BMPER: variants seen among roughly 807,000 people sequenced by gnomAD.
The protein encoded by BMPER is BMP binding endothelial regulator, also known as BMP-binding endothelial regulator protein.
BMPER carries 45 observed loss-of-function variants against 87.3 expected under a neutral mutation model. The ratio of observed to expected loss-of-function variants is 0.52; its 90% CI spans 0.41 to 0.66. BMPER has a LOEUF of 0.66. BMPER is among the 30% of genes least tolerant of loss of function. The pLI, the probability that BMPER is intolerant of heterozygous loss-of-function variation, is 0.00. For synonymous variants in BMPER, 326 were observed against 316.2 expected (o/e 1.03, Z -0.33); for missense variants, 784 against 867.5 (o/e 0.90, Z 1.21).
At chr7:34,130,762 G>T (rs746839323) in intron 13 of BMPER, among the ~76,000 whole-genome samples, 52 of 152,120 alleles carry the variant, frequency 3.4e-4, no homozygotes, top group Non-Finnish European at 5.9e-5. Flanking sequence ...ATCTAGACTG[G>T]GGATCTCAGA....
intron 7 of BMPER, among the ~76,000 whole-genome samples, chr7:34,050,918 C>T (rs1034953414): frequency 6.6e-6 from 1 of 152,148 alleles, no homozygotes; most frequent in African/African-American, 2.4e-5. Flanking sequence ...TTTGAGTTAG[C>T]TTCACCCTTT....
chr7:34,027,302 A>G (rs1787383717), intron 6 of BMPER, among the ~76,000 whole-genome samples: 1 of 152,132 alleles, frequency 6.6e-6, no homozygotes, highest in African/African-American at 2.4e-5. Flanking sequence ...ATGGTGAGTA[A>G]AAGTGCTGGA....
intron 14 of BMPER, among the ~76,000 whole-genome samples, chr7:34,144,006 A>T (rs956348195): frequency 1.3e-5 from 2 of 152,200 alleles, no homozygotes; most frequent in Admixed American, 6.5e-5. Context: ...ACAGACAAAA[A>T]CATAACTCTA....
chr7:33,979,363 G>A (rs972417123), intron 6 of BMPER, among the ~76,000 whole-genome samples: 18 of 151,166 alleles, frequency 1.2e-4, no homozygotes, highest in African/African-American at 4.4e-4. Context: ...AACTCCCTGA[G>A]AACCTGATTC....
chr7:33,969,212 C>G (rs914920820), intron 4 of BMPER, among the ~76,000 whole-genome samples: 2 of 152,016 alleles, frequency 1.3e-5, no homozygotes, highest in African/African-American at 2.4e-5. Flanking sequence ...CCTGTGCCAC[C>G]CATCCCATCA....
At chr7:33,988,821 T>G (rs540649947) in intron 6 of BMPER, among the ~76,000 whole-genome samples, 2 of 125,094 alleles carry the variant, frequency 1.6e-5, no homozygotes, top group African/African-American at 3.1e-5. Flanking sequence ...TGTGTCCATG[T>G]GATCTCATTG....
chr7:33,972,643 G>A (rs1201217774), intron 5 of BMPER, among the ~76,000 whole-genome samples: 1 of 151,940 alleles, frequency 6.6e-6, no homozygotes, highest in East Asian at 1.9e-4. Flanking sequence ...CTCTTTTCTG[G>A]CCACCACAGG....
chr7:33,962,229 T>TG (rs1785289746), intron 3 of BMPER, among the ~76,000 whole-genome samples: 2 of 152,234 alleles, frequency 1.3e-5, no homozygotes, highest in Non-Finnish European at 2.9e-5. Flanking sequence ...CATTGCCCCG[T>TG]GTTCTCAGTT....
intron 6 of BMPER, among the ~76,000 whole-genome samples, chr7:34,023,760 T>A (rs1375696415): frequency 2.0e-5 from 3 of 152,070 alleles, no homozygotes; most frequent in Non-Finnish European, 4.4e-5. Context: ...ATACAAAACA[T>A]TTGAAGTGTT....
chr7:33,908,059 CAG>C (rs1341838558), intron 2 of BMPER, among the ~76,000 whole-genome samples: 2 of 152,070 alleles, frequency 1.3e-5, no homozygotes, highest in Admixed American at 1.3e-4. Context: ...CCTAATAAAA[CAG>C]AGCTGAGAGA....
chr7:34,034,656 A>G (rs113225821), intron 6 of BMPER, among the ~76,000 whole-genome samples: 6 of 152,308 alleles, frequency 3.9e-5, no homozygotes, highest in African/African-American at 1.4e-4. Flanking sequence ...GGACACCTAA[A>G]TCAGTAGGGC....
rs1005836916 is a variant in BMPER, at chr7:34,048,000, C to T, written c.676+1595C>T. On this transcript the variant is annotated intron_variant, in intron 7 of 14. Coordinates refer to ENST00000649409, the MANE Select transcript of BMPER (RefSeq NM_001365308.1). ...AATAAAATGGGATATTAAGCGCTCT[C>T]GTTCTTAAAAGGTCTTAGTTGTTTT... 6.6e-5 allele frequency among the ~76,000 whole-genome samples: 10 copies of T among 151,818 alleles called. No individual in the cohort carries two copies. In the South Asian group the frequency reaches 1.7e-3, roughly 25 times the overall value.
At chr7:34,064,462 C>T (rs1397683243) in intron 11 of BMPER, among the ~76,000 whole-genome samples, 2 of 151,840 alleles carry the variant, frequency 1.3e-5, no homozygotes, top group African/African-American at 4.8e-5. Context: ...CTGGTGACAT[C>T]GTAAAGAAAA....
intron 6 of BMPER, among the ~76,000 whole-genome samples, chr7:34,025,768 T>C (rs1459860343): frequency 6.6e-6 from 1 of 152,024 alleles, no homozygotes; most frequent in African/African-American, 2.4e-5. Flanking sequence ...ATTTGTGGAA[T>C]AGCAGGGGAG....
chr7:34,058,299 C>T, intron 10 of BMPER, 136 bp downstream of exon 10: 1 of 827,706 alleles, frequency 1.2e-6, no homozygotes, highest in Non-Finnish European at 2.0e-6. Context: ...TCAAATGCCT[C>T]TTGCAAAGTT....
At chr7:34,142,230 G>A (rs1202351401) in intron 13 of BMPER, among the ~76,000 whole-genome samples, 1 of 152,164 alleles carries the variant, frequency 6.6e-6, no homozygotes, top group Non-Finnish European at 1.5e-5. Flanking sequence ...AGATTGTTGT[G>A]TAGTATAATA....
intron 2 of BMPER, among the ~76,000 whole-genome samples, chr7:33,912,529 G>A (rs1356859864): frequency 4.6e-5 from 7 of 152,198 alleles, no homozygotes; most frequent in Non-Finnish European, 7.4e-5. Context: ...AGACTAGAAT[G>A]CAAATAGGGG....
At chr7:34,031,951 T>TATACAC (rs1472015803) in intron 6 of BMPER, among the ~76,000 whole-genome samples, 8 of 136,272 alleles carry the variant, frequency 5.9e-5, no homozygotes, top group Admixed American at 1.5e-4. Context: ...CACATATATA[T>TATACAC]ACACACACAC....
At chr7:33,921,427 G>A (rs1042687513) in intron 2 of BMPER, among the ~76,000 whole-genome samples, 1 of 152,274 alleles carries the variant, frequency 6.6e-6, no homozygotes, top group South Asian at 2.1e-4. Context: ...GCGAGAGTTG[G>A]GACTGCAATT....
Sources: gnomAD v4.1 joint callset for allele counts (sites outside exome capture counted in the v4.1 genomes callset) on GRCh38, gnomAD v4.1.1 for gene constraint, MANE v1.5 for transcripts, NCBI Gene and HGNC (gene_info 2026-07-23, HGNC 2026-07-21) for gene names.